The following ZFHX3 variants were observed in gnomAD, a reference collection of about 807,000 sequenced individuals.
ZFHX3 encodes zinc finger homeobox 3, also known as zinc finger homeobox protein 3.
A neutral mutation model predicts 279.1 loss-of-function variants in ZFHX3; 42 were observed. The observed-to-expected ratio is 0.15, with a 90% CI of 0.12 to 0.19. The LOEUF is 0.19. ZFHX3 is among the 10% of genes least tolerant of loss of function. ZFHX3 has a pLI of 1.00. For missense variants in ZFHX3, 4,981 were observed against 4,754.0 expected, an observed-to-expected ratio of 1.05 and a Z score of -1.40; for synonymous variants, 2,293 against 1,957.8, an observed-to-expected ratio of 1.17 and a Z score of -4.52.
At chr16:73,595,854 C>T (rs1263017351) in intron 2 of ZFHX3, among the ~76,000 whole-genome samples, 1 of 152,170 alleles carries the variant, frequency 6.6e-6, no homozygotes, top group Admixed American at 6.5e-5. Flanking sequence ...CTCTCCCTCA[C>T]CTCTGCATCC....
intron 1 of ZFHX3, among the ~76,000 whole-genome samples, chr16:73,007,226 C>T (rs1963739186): frequency 1.3e-5 from 2 of 152,190 alleles, no homozygotes; most frequent in Admixed American, 6.5e-5. Flanking sequence ...TTTTGCATCT[C>T]CACTCATGTC....
chr16:73,334,517 C>T (rs1437109291), intron 3 of ZFHX3, among the ~76,000 whole-genome samples: 1 of 152,132 alleles, frequency 6.6e-6, no homozygotes, highest in Admixed American at 6.6e-5. Context: ...TCTGTGCCTT[C>T]CCCTGCTGTC....
At chr16:73,566,025 C>A (rs1459201401) in intron 2 of ZFHX3, among the ~76,000 whole-genome samples, 2 of 152,158 alleles carry the variant, frequency 1.3e-5, no homozygotes, top group East Asian at 1.9e-4. Context: ...GTAGAAGACC[C>A]CTGGTCTAAG....
chr16:73,177,944 C>T (rs1432487086), intron 5 of ZFHX3, among the ~76,000 whole-genome samples: 4 of 151,748 alleles, frequency 2.6e-5, no homozygotes, highest in Non-Finnish European at 5.9e-5. Context: ...TGACAGTCAG[C>T]CTCACGTGAA....
intron 1 of ZFHX3, among the ~76,000 whole-genome samples, chr16:73,726,885 G>C (rs1262177822): frequency 6.6e-5 from 10 of 152,174 alleles, no homozygotes; most frequent in Admixed American, 6.5e-4. Flanking sequence ...TCTGCATCCT[G>C]GGTCTCTACC....
chr16:73,643,226 T>G (rs2052589349), intron 2 of ZFHX3, among the ~76,000 whole-genome samples: 1 of 152,146 alleles, frequency 6.6e-6, no homozygotes. Context: ...ATCAAGAGAT[T>G]TAATTCCTCA....
chr16:73,108,956 G>C (rs1410463666), intron 7 of ZFHX3, among the ~76,000 whole-genome samples: 1 of 152,082 alleles, frequency 6.6e-6, no homozygotes, highest in Non-Finnish European at 1.5e-5. Context: ...CGATTTGGTG[G>C]TGCAGCAAAG....
intron 1 of ZFHX3, among the ~76,000 whole-genome samples, chr16:73,729,253 G>T (rs1192571053): frequency 6.6e-6 from 1 of 152,170 alleles, no homozygotes; most frequent in Non-Finnish European, 1.5e-5. Context: ...CGGCAATGGC[G>T]TGGAGGCTCA....
intron 2 of ZFHX3, among the ~76,000 whole-genome samples, chr16:73,516,511 T>C (rs2019525359): frequency 6.6e-6 from 1 of 152,176 alleles, no homozygotes. Flanking sequence ...AGGGTGGTGA[T>C]TAGAAGCTTC....
intron 4 of ZFHX3, among the ~76,000 whole-genome samples, chr16:72,831,495 A>G (rs1268113756): frequency 2.6e-5 from 4 of 152,246 alleles, no homozygotes; most frequent in African/African-American, 9.6e-5. Context: ...TCAAACAGAG[A>G]AAAATCAGGC....
At chr16:72,889,524 AAAG>A (rs1222984550) in intron 4 of ZFHX3, among the ~76,000 whole-genome samples, 18 of 151,986 alleles carry the variant, frequency 1.2e-4, no homozygotes, top group Non-Finnish European at 2.6e-4. Flanking sequence ...AGAAGAAAGA[AAAG>A]AAAAGAAAAA....
intron 2 of ZFHX3, among the ~76,000 whole-genome samples, chr16:73,482,225 G>C (rs2018881923): frequency 6.6e-6 from 1 of 152,140 alleles, no homozygotes; most frequent in Admixed American, 6.5e-5. Flanking sequence ...AAGCTAGGCT[G>C]TCCATCCTTT....
chr16:73,686,529 T>C (rs1023941502), intron 1 of ZFHX3, among the ~76,000 whole-genome samples: 3 of 152,224 alleles, frequency 2.0e-5, no homozygotes, highest in African/African-American at 7.2e-5. Context: ...AATTCTTGCA[T>C]GTTCTCTGAA....
intron 1 of ZFHX3, among the ~76,000 whole-genome samples, chr16:73,724,303 CA>C (rs2053499965): frequency 6.6e-6 from 1 of 152,328 alleles, no homozygotes; most frequent in South Asian, 2.1e-4. Flanking sequence ...CTAATGAATA[CA>C]TGACTTATTT....
intron 3 of ZFHX3, among the ~76,000 whole-genome samples, chr16:73,318,528 T>G (rs1026335847): frequency 1.3e-5 from 2 of 152,178 alleles, no homozygotes; most frequent in African/African-American, 4.8e-5. Context: ...TTTTTTTTCT[T>G]TATTCCTTTT....
intron 2 of ZFHX3, among the ~76,000 whole-genome samples, chr16:73,585,377 C>A (rs146726324): frequency 0.018 from 2,760 of 152,312 alleles, 39 homozygotes; most frequent in Non-Finnish European, 0.027. Context: ...GATGGTGCCA[C>A]TGCCCTCTGG....
At chr16:73,814,415 A>AC (rs1309549040) in intron 1 of ZFHX3, among the ~76,000 whole-genome samples, 1 of 137,556 alleles carries the variant, frequency 7.3e-6, no homozygotes, top group Non-Finnish European at 1.5e-5. Context: ...CTAAATTTAG[A>AC]GGAAAAAGTA....
intron 2 of ZFHX3, among the ~76,000 whole-genome samples, chr16:72,953,865 C>A (rs191046683): frequency 1.7e-3 from 259 of 152,280 alleles, no homozygotes; most frequent in African/African-American, 6.0e-3. Flanking sequence ...CCATGCCTGG[C>A]CAGCATTCTA....
At chr16:72,854,208 C>T (rs2037691735) in intron 4 of ZFHX3, among the ~76,000 whole-genome samples, 1 of 152,220 alleles carries the variant, frequency 6.6e-6, no homozygotes, top group African/African-American at 2.4e-5. Context: ...GCTTCTCTCC[C>T]TCCCCTGCCT....
Sources: gnomAD v4.1 joint callset for allele counts (sites outside exome capture counted in the v4.1 genomes callset) on GRCh38, gnomAD v4.1.1 for gene constraint, MANE v1.5 for transcripts, NCBI Gene and HGNC (gene_info 2026-07-23, HGNC 2026-07-21) for gene names.